CCNK: variants seen among roughly 807,000 people sequenced by gnomAD.
CCNK encodes the protein cyclin-K.
In CCNK, 9 loss-of-function variants were observed where a neutral mutation model predicts 65.0. That is an observed-to-expected ratio of 0.14 (90% CI 0.08 to 0.24). The LOEUF is 0.24. Ranked by LOEUF, CCNK falls within the 10% of genes least tolerant of loss-of-function variation. The pLI is 1.00. For synonymous variants in CCNK, 279 were observed against 270.8 expected (o/e 1.03, Z -0.30); for missense variants, 474 against 720.0 (o/e 0.66, Z 3.91).
At chr14:99,503,321 G>A in intron 8 of CCNK, 1 of 603,026 alleles carries the variant, frequency 1.7e-6, no homozygotes, top group Non-Finnish European at 3.0e-6. Flanking sequence ...CCCAAACAGT[G>A]GACCGTTTCC....
chr14:99,490,275 C>T (rs76501544), intron 1 of CCNK, among the ~76,000 whole-genome samples: 1 of 152,284 alleles, frequency 6.6e-6, no homozygotes, highest in African/African-American at 2.4e-5. Flanking sequence ...CTGGTAGACT[C>T]CATCTTAACC....
intron 6 of CCNK, chr14:99,501,692 T>G: frequency 2.5e-6 from 1 of 403,986 alleles, no homozygotes; most frequent in Admixed American, 4.3e-5. Flanking sequence ...TTTTGAAAAC[T>G]AATTACTTAG....
At chr14:99,483,316 A>G (rs1268425952) in intron 1 of CCNK, among the ~76,000 whole-genome samples, 1 of 152,104 alleles carries the variant, frequency 6.6e-6, no homozygotes, top group African/African-American at 2.4e-5. Flanking sequence ...TGGGAGGCCA[A>G]AGCTGGAGGA....
At chr14:99,502,102 G>A in intron 6 of CCNK, 105 bp from the exon 7 acceptor site, 3 of 1,223,520 alleles carry the variant, frequency 2.5e-6, no homozygotes, top group Non-Finnish European at 3.3e-6. Context: ...ATTAAATTTA[G>A]GGGAGAATAA....
At chr14:99,493,192 C>G (rs944707703) in intron 2 of CCNK, 2 of 423,462 alleles carry the variant, frequency 4.7e-6, no homozygotes, top group African/African-American at 4.1e-5. Context: ...CCCTTGAAAT[C>G]TGGAGTTCGA....
intron 4 of CCNK, among the ~76,000 whole-genome samples, chr14:99,498,792 G>T (rs971125516): frequency 4.6e-5 from 7 of 152,118 alleles, no homozygotes; most frequent in Admixed American, 3.9e-4. Flanking sequence ...CAAGTCCCCC[G>T]GATAAATAGG....
At position 99,504,482 on chromosome 14, in the gene CCNK, C is replaced by T. The variant is rs1414024485; in HGVS notation, c.1045+838C>T. ...TTTTTTTTTTTGAGACAGAGTTTCA[C>T]TCTTGTTGCCCAGGCTGGAGTGCAG... On this transcript the variant is annotated intron_variant, in intron 9 of 10. Coordinates refer to ENST00000389879, the MANE Select transcript of CCNK (RefSeq NM_001099402.2). The T allele has an allele frequency of 2.1e-5, 3 of 143,784 alleles. No homozygotes were observed. The East Asian group carries it at 6.1e-4, about 29-fold the overall frequency. The allele number at this position is 143,784 out of a possible 1,614,324, so 8.9% of individuals were successfully genotyped here. A position where few individuals can be genotyped will look rare whatever the true frequency, so the allele number is the denominator to read the frequency against.
chr14:99,488,883 A>AGTG (rs1896544689), intron 1 of CCNK, among the ~76,000 whole-genome samples: 1 of 149,956 alleles, frequency 6.7e-6, no homozygotes, highest in African/African-American at 2.4e-5. Flanking sequence ...GGATTAGTCC[A>AGTG]GTGGGCACCC....
chr14:99,498,829 T>G (rs939311495), intron 4 of CCNK, among the ~76,000 whole-genome samples: 13 of 152,122 alleles, frequency 8.5e-5, no homozygotes, highest in African/African-American at 3.1e-4. Context: ...TCCTGAGGAA[T>G]GATGTTTGCT....
chr14:99,491,620 TTTCC>T (rs1896600190), intron 1 of CCNK, among the ~76,000 whole-genome samples: 1 of 152,214 alleles, frequency 6.6e-6, no homozygotes, highest in Non-Finnish European at 1.5e-5. Context: ...GAAGATCAGA[TTTCC>T]TTCAGAGCTA....
intron 10 of CCNK, 118 bp from the exon 11 acceptor site, chr14:99,510,039 G>A (rs1439018253): frequency 3.9e-6 from 4 of 1,014,672 alleles, no homozygotes; most frequent in Non-Finnish European, 5.6e-6. Context: ...TTGGGCCACA[G>A]AGGAGGCGGG....
Position 99,510,634 on chromosome 14 carries a change from C to A in CCNK, c.1595C>A (p.Pro532His). 71 of 1,415,192 alleles carry A rather than the reference C, an allele frequency of 5.0e-5. No homozygotes were observed. The highest frequency in any genetic ancestry group is 6.5e-5 in the Non-Finnish European group (71 of 1,086,964). The allele number at this position is 1,415,192 out of a possible 1,614,324, so 87.7% of individuals were successfully genotyped here. The change falls in exon 11 of 11, where the codon CCT becomes CAT. Residue 532 changes from proline to histidine, a missense_variant. Pro to His is a moderately conservative substitution (Grantham distance 77). Around this residue, in one of 6 missense-constraint regions of CCNK, gnomAD observed 53 missense variants for 91.4 expected, o/e 0.58. Transcript: ENST00000389879. ...PRLPPTHAVP[P>H]HPPPGLGLPP... ...CTCCCGCCTACCCACGCAGTCCCCCCTCATCCTCCTCCAGGGTTGGGCCTG... is the reference window on the plus strand; with the variant it reads ...CTCCCGCCTACCCACGCAGTCCCCCATCATCCTCCTCCAGGGTTGGGCCTG...
At chr14:99,503,089 G>T in intron 8 of CCNK, 105 bp downstream of exon 8, 1 of 1,313,010 alleles carries the variant, frequency 7.6e-7, no homozygotes, top group Non-Finnish European at 1.1e-6. Context: ...ACCGGAAGCA[G>T]GGGGTGTTCG....
At position 99,509,298 on chromosome 14, in the gene CCNK, G is replaced by A. The variant is rs1005530284; in HGVS notation, c.1118-859G>A. On this transcript the variant is annotated intron_variant, in intron 10 of 10. Coordinates refer to ENST00000389879, the MANE Select transcript of CCNK (RefSeq NM_001099402.2). ...TTCTGTGTGTTTGGCTACCTGTGGT[G>A]GGGTGTTGCGATGTCATTTTCCAGT... 41 of 152,418 alleles carry A rather than the reference G, an allele frequency of 2.7e-4. 1 individual carries two copies. The highest frequency in any genetic ancestry group is 9.4e-4 in the African/African-American group (39 of 41,576). The allele number at this position is 152,418 out of a possible 1,614,324, so 9.4% of individuals were successfully genotyped here.
intron 1 of CCNK, among the ~76,000 whole-genome samples, chr14:99,491,310 G>A (rs1416000265): frequency 6.6e-6 from 1 of 152,146 alleles, no homozygotes; most frequent in East Asian, 1.9e-4. Context: ...GTTGGATATC[G>A]TCAACTTCTC....
chr14:99,503,337 C>G (rs903571640), intron 8 of CCNK: 3 of 601,736 alleles, frequency 5.0e-6, no homozygotes, highest in Non-Finnish European at 5.9e-6. Context: ...TTTCCTGCAC[C>G]CAAGTGGTCC....
chr14:99,497,539 C>T (rs1896728191), intron 4 of CCNK, among the ~76,000 whole-genome samples: 1 of 152,204 alleles, frequency 6.6e-6, no homozygotes, highest in African/African-American at 2.4e-5. Flanking sequence ...TCAGCAAGTA[C>T]TCGTGGAATA....
intron 6 of CCNK, 91 bp downstream of exon 6, chr14:99,501,504 A>G (rs904427767): frequency 9.8e-6 from 9 of 916,768 alleles, no homozygotes; most frequent in Middle Eastern, 2.9e-4. Context: ...ATTTTGTGTC[A>G]GAAGAAACTG....
Position 99,502,900 on chromosome 14 carries a change from ACCAGCCCAGCAGCAGCAG to A in CCNK, c.936_953del (p.Gln314_Gln319del), listed in dbSNP as rs1896871453. The A allele has an allele frequency of 6.2e-7, 1 of 1,613,588 alleles. No homozygotes were observed. The highest frequency in any genetic ancestry group is 8.5e-7 in the Non-Finnish European group (1 of 1,179,720). The stretch of plus-strand genomic sequence containing the variant: ...AGCCCCAGCAGAAGGACCCCCAGCA[ACCAGCCCAGCAGCAGCAG>A]CCAGCCCAACAGCCCAAGAAACCCT... On this transcript the variant is annotated inframe_deletion, in exon 8 of 11. Coordinates refer to ENST00000389879, the MANE Select transcript of CCNK (RefSeq NM_001099402.2).
Sources: allele counts gnomAD v4.1 joint callset (sites outside exome capture counted in the v4.1 genomes callset), GRCh38; gene constraint gnomAD v4.1.1; regional missense constraint gnomAD v4.1.1; transcripts MANE v1.5; gene names NCBI Gene and HGNC (gene_info 2026-07-23, HGNC 2026-07-21).